Variants in CDIN1 observed in about 807,000 individuals in gnomAD.
CDIN1 encodes CDAN1-interacting nuclease 1.
Under a neutral mutation model 45.3 loss-of-function variants are expected in CDIN1, and 33 were observed. That is an observed-to-expected ratio of 0.73 (90% CI 0.55 to 0.97). The LOEUF is 0.97. Among genes scored for constraint, CDIN1 ranks in the 50% least tolerant of loss-of-function variants. The pLI is 0.00. For missense variants in CDIN1, 303 were observed against 339.4 expected, an observed-to-expected ratio of 0.89 and a Z score of 0.84; for synonymous variants, 118 against 124.4, an observed-to-expected ratio of 0.95 and a Z score of 0.34.
At chr15:36,659,507 A>G (rs1350978092) in intron 5 of CDIN1, among the ~76,000 whole-genome samples, 1 of 152,116 alleles carries the variant, frequency 6.6e-6, no homozygotes, top group African/African-American at 2.4e-5. Flanking sequence ...TAAATATTGT[A>G]TGCTTGAATT....
intron 5 of CDIN1, among the ~76,000 whole-genome samples, chr15:36,672,775 G>A (rs1319614515): frequency 2.0e-5 from 3 of 149,636 alleles, no homozygotes; most frequent in Admixed American, 6.8e-5. Context: ...GTTGATCAGC[G>A]CCGAATCTTG....
chr15:36,690,255 G>A (rs2042195848), intron 5 of CDIN1, among the ~76,000 whole-genome samples: 1 of 151,802 alleles, frequency 6.6e-6, no homozygotes, highest in Non-Finnish European at 1.5e-5. Context: ...TATTTCCACA[G>A]TATTTACTAA....
intron 1 of CDIN1, among the ~76,000 whole-genome samples, chr15:36,632,404 C>A (rs1339893342): frequency 6.6e-6 from 1 of 152,130 alleles, no homozygotes; most frequent in African/African-American, 2.4e-5. Flanking sequence ...CTACACTAAC[C>A]AGAGAAGATG....
intron 10 of CDIN1, among the ~76,000 whole-genome samples, 181 bp from the exon 11 acceptor site, chr15:36,808,143 G>A (rs1467423690): frequency 6.6e-6 from 1 of 152,174 alleles, no homozygotes; most frequent in African/African-American, 2.4e-5. Flanking sequence ...CGAGAAGGTA[G>A]TATGTGTGTT....
chr15:36,649,624 G>A (rs1209352699), intron 3 of CDIN1, among the ~76,000 whole-genome samples: 1 of 152,126 alleles, frequency 6.6e-6, no homozygotes, highest in Non-Finnish European at 1.5e-5. Flanking sequence ...CCATGCTGTG[G>A]CCTAAGATGA....
chr15:36,683,289 T>C (rs1473161662), intron 5 of CDIN1, among the ~76,000 whole-genome samples: 3 of 142,454 alleles, frequency 2.1e-5, no homozygotes, highest in Non-Finnish European at 3.0e-5. Context: ...TTCAGCTTTC[T>C]ACATATGGCT....
intron 3 of CDIN1, among the ~76,000 whole-genome samples, chr15:36,648,353 C>T (rs1240682994): frequency 6.0e-5 from 9 of 150,898 alleles, no homozygotes; most frequent in Admixed American, 5.9e-4. Flanking sequence ...TTTTGATTGC[C>T]TTATTTCATC....
chr15:36,741,961 GT>G (rs764579356), intron 10 of CDIN1, among the ~76,000 whole-genome samples: 1 of 152,074 alleles, frequency 6.6e-6, no homozygotes, highest in Non-Finnish European at 1.5e-5. Flanking sequence ...CGTGGTTTGG[GT>G]TTTGGTATTT....
At chr15:36,648,329 G>A (rs1487909955) in intron 3 of CDIN1, among the ~76,000 whole-genome samples, 4 of 150,738 alleles carry the variant, frequency 2.7e-5, no homozygotes, top group African/African-American at 4.9e-5. Context: ...TGTAAAAAGC[G>A]TTTTGTAAAC....
chr15:36,764,214 GT>G (rs11297312), intron 10 of CDIN1, among the ~76,000 whole-genome samples: 78,371 of 115,230 alleles, frequency 0.68, 25,844 homozygotes, highest in East Asian at 0.9. Flanking sequence ...TGTGGTTTTG[GT>G]TTTTTTTTTT....
chr15:36,688,118 G>C (rs1191226357), intron 5 of CDIN1, among the ~76,000 whole-genome samples: 1 of 151,826 alleles, frequency 6.6e-6, no homozygotes, highest in Non-Finnish European at 1.5e-5. Context: ...ACTCAAAGTG[G>C]GAACGAGGAA....
intron 6 of CDIN1, 57 bp from the exon 7 acceptor site, chr15:36,692,069 A>T: frequency 1.3e-6 from 2 of 1,515,292 alleles, no homozygotes; most frequent in Non-Finnish European, 1.8e-6. Flanking sequence ...GATATTGTTT[A>T]CTGTAATAGT....
At chr15:36,692,422 G>A (rs2042289243) in intron 7 of CDIN1, among the ~76,000 whole-genome samples, 1 of 152,120 alleles carries the variant, frequency 6.6e-6, no homozygotes, top group Non-Finnish European at 1.5e-5. Context: ...AAACTGCCTG[G>A]TTTTCAATGA....
rs2040691667 is a variant in CDIN1, at chr15:36,654,263, T to A, written c.273+105T>A. On this transcript the variant is annotated intron_variant, in intron 4 of 10. Transcript: ENST00000566621. ...AACTACCTTTGGAAAAAAAAAGGATTTGAGGTGCATTAGACATTTAAATTG... is the reference window on the plus strand; with the variant it reads ...AACTACCTTTGGAAAAAAAAAGGATATGAGGTGCATTAGACATTTAAATTG... The A allele has an allele frequency of 8.1e-6, 7 of 865,340 alleles. No individual in the cohort carries two copies. The South Asian group carries it at 1.2e-4, about 14-fold the overall frequency. The allele number at this position is 865,340 out of a possible 1,614,324, so 53.6% of individuals were successfully genotyped here. A position where few individuals can be genotyped will look rare whatever the true frequency, so the allele number is the denominator to read the frequency against.
intron 8 of CDIN1, among the ~76,000 whole-genome samples, chr15:36,703,402 T>A (rs2042741899): frequency 7.6e-4 from 1 of 1,316 alleles, no homozygotes; most frequent in African/African-American, 1.9e-3. Flanking sequence ...TATATATATA[T>A]GATATACATA....
chr15:36,683,949 G>A (rs2041948968), intron 5 of CDIN1, among the ~76,000 whole-genome samples: 1 of 140,858 alleles, frequency 7.1e-6, no homozygotes, highest in South Asian at 2.3e-4. Flanking sequence ...TGCTGAAGTT[G>A]CTTATGAGCT....
chr15:36,787,142 T>C (rs2054512879), intron 10 of CDIN1, among the ~76,000 whole-genome samples: 1 of 152,204 alleles, frequency 6.6e-6, no homozygotes, highest in Admixed American at 6.5e-5. Flanking sequence ...CCAGATTTAT[T>C]CTTTTAACTG....
chr15:36,780,203 C>A (rs1176709121), intron 10 of CDIN1, among the ~76,000 whole-genome samples: 7 of 152,140 alleles, frequency 4.6e-5, no homozygotes, highest in Non-Finnish European at 1.0e-4. Flanking sequence ...TTTTTCAGTT[C>A]CTCATTCAGG....
chr15:36,661,485 A>T (rs545650801), intron 5 of CDIN1, among the ~76,000 whole-genome samples: 24 of 152,250 alleles, frequency 1.6e-4, no homozygotes, highest in East Asian at 1.2e-3. Flanking sequence ...ATCAAAATAC[A>T]TATTTTTCTG....
Sources: gnomAD v4.1 joint callset for allele counts (sites outside exome capture counted in the v4.1 genomes callset) on GRCh38, gnomAD v4.1.1 for gene constraint, MANE v1.5 for transcripts, NCBI Gene and HGNC (gene_info 2026-07-23, HGNC 2026-07-21) for gene names.